The following INTS4 variants were observed in gnomAD, a reference collection of about 807,000 sequenced individuals.
INTS4 encodes the protein MSTP093.
INTS4 carries 70 observed loss-of-function variants against 119.5 expected under a neutral mutation model. That is an observed-to-expected ratio of 0.59 (90% CI 0.48 to 0.71). The LOEUF (loss-of-function observed/expected upper bound fraction) is 0.71. INTS4 is among the 30% of genes least tolerant of loss of function. INTS4 has a pLI of 0.00. For missense variants in INTS4, 867 were observed against 1,173.2 expected (o/e 0.74, Z 3.81); for synonymous variants, 316 against 419.6 (o/e 0.75, Z 3.02).
chr11:77,991,954 A>T (rs1856706560), intron 1 of INTS4, among the ~76,000 whole-genome samples: 6 of 151,902 alleles, frequency 3.9e-5, no homozygotes, highest in Admixed American at 2.0e-4. Context: ...ACTCCCAACT[A>T]GCTGGAATTA....
intron 15 of INTS4, chr11:77,911,193 A>C: frequency 8.7e-7 from 1 of 1,149,104 alleles, no homozygotes; most frequent in Middle Eastern, 2.6e-4. Context: ...AAAGTGATTG[A>C]AGAATTAATG....
At chr11:77,887,257 G>T (rs546733694) in intron 21 of INTS4, among the ~76,000 whole-genome samples, 2 of 152,152 alleles carry the variant, frequency 1.3e-5, no homozygotes, top group African/African-American at 4.8e-5. Flanking sequence ...GGGATGCAAG[G>T]CTGGTTCAAC....
chr11:77,979,376 G>A (rs577197762), intron 3 of INTS4, among the ~76,000 whole-genome samples: 79 of 152,108 alleles, frequency 5.2e-4, no homozygotes, highest in Admixed American at 4.6e-4. Flanking sequence ...TTAGGAGGCC[G>A]AGGTAGGAGG....
Position 77,913,453 on chromosome 11 carries a change from A to G in INTS4, c.1922+5368T>C, listed in dbSNP as rs568326691. 1.3e-3 allele frequency among the ~76,000 whole-genome samples: 194 copies of G among 151,920 alleles called. 1 individual carries two copies. Among genetic ancestry groups the G allele is most frequent in the African/African-American group, 4.5e-3 (187 of 41,414 alleles). On this transcript the variant is annotated intron_variant, in intron 15 of 22. Coordinates refer to ENST00000534064, the MANE Select transcript of INTS4 (RefSeq NM_033547.4). Reference sequence around the variant, plus strand: ...CAGCCTCCCGAGTAGCTGGGACTACAGGCACCCGCCACCACGCCTGGCTAA... The same window carrying G: ...CAGCCTCCCGAGTAGCTGGGACTACGGGCACCCGCCACCACGCCTGGCTAA...
chr11:77,878,136 G>C (rs962606458), downstream of INTS4, among the ~76,000 whole-genome samples: 9 of 152,122 alleles, frequency 5.9e-5, no homozygotes, highest in African/African-American at 2.2e-4. Flanking sequence ...GCCAAGGTGG[G>C]CAGATCACGA....
At chr11:77,976,843 A>G (rs1053911376) in intron 4 of INTS4, among the ~76,000 whole-genome samples, 1 of 151,880 alleles carries the variant, frequency 6.6e-6, no homozygotes, top group Non-Finnish European at 1.5e-5. Flanking sequence ...ACCAAACACC[A>G]CATGTTCTCA....
rs200717599 is a variant in INTS4 at position 77,879,135 on chromosome 11, A to T, written c.2714-8T>A. On this transcript the variant is annotated splice_polypyrimidine_tract_variant and splice_region_variant and intron_variant, in intron 22 of 22. Transcript: ENST00000534064. ...CTTCCACCTGGCATGCCTCTGAAAA[A>T]AAGATAAAAGAAATCCTCTATAACT... 3.7e-6 allele frequency: 6 copies of T among 1,613,738 alleles called. No homozygotes were observed. The Admixed American group carries it at 5.0e-5, about 13-fold the overall frequency.
intron 2 of INTS4, among the ~76,000 whole-genome samples, chr11:77,982,385 G>T (rs369928615): frequency 2.6e-5 from 4 of 151,952 alleles, no homozygotes; most frequent in Non-Finnish European, 5.9e-5. Flanking sequence ...CAATCCTCCT[G>T]CCTTGGCTTC....
At chr11:77,932,084 C>A (rs1245727055) in intron 10 of INTS4, among the ~76,000 whole-genome samples, 1 of 152,174 alleles carries the variant, frequency 6.6e-6, no homozygotes, top group Non-Finnish European at 1.5e-5. Flanking sequence ...CCAAAACTGA[C>A]AAATGGGATC....
intron 5 of INTS4, 127 bp downstream of exon 5, chr11:77,960,826 G>T: frequency 1.2e-6 from 1 of 833,140 alleles, no homozygotes; most frequent in Non-Finnish European, 1.8e-6. Flanking sequence ...GTTCTGCGAG[G>T]CCACCACCAA....
chr11:77,884,851 C>T (rs749886387), intron 21 of INTS4: 17 of 365,542 alleles, frequency 4.7e-5, no homozygotes, highest in South Asian at 2.1e-4. Context: ...AACTCCTGGG[C>T]GCAAGTGATC....
chr11:77,914,480 C>T (rs1953161343), intron 15 of INTS4, among the ~76,000 whole-genome samples: 1 of 152,210 alleles, frequency 6.6e-6, no homozygotes, highest in African/African-American at 2.4e-5. Flanking sequence ...CAAAACTAAA[C>T]ACTTTGTTGA....
chr11:77,941,607 G>A (rs182981709), intron 8 of INTS4, among the ~76,000 whole-genome samples: 7 of 152,186 alleles, frequency 4.6e-5, no homozygotes, highest in African/African-American at 1.4e-4. Flanking sequence ...GGGATTACAG[G>A]TGCCCGCCAC....
intron 10 of INTS4, among the ~76,000 whole-genome samples, chr11:77,935,197 A>C (rs1383761890): frequency 6.6e-6 from 1 of 152,238 alleles, no homozygotes; most frequent in African/African-American, 2.4e-5. Flanking sequence ...GATGAGACAG[A>C]GACAAAATAT....
chr11:77,900,976 G>A (rs1430584580), intron 18 of INTS4, among the ~76,000 whole-genome samples: 1 of 152,162 alleles, frequency 6.6e-6, no homozygotes, highest in African/African-American at 2.4e-5. Context: ...CAAACAACTA[G>A]TAAGTAGAAA....
At chr11:77,894,560 G>A (rs1952429987) in intron 18 of INTS4, among the ~76,000 whole-genome samples, 1 of 152,210 alleles carries the variant, frequency 6.6e-6, no homozygotes, top group Admixed American at 6.5e-5. Flanking sequence ...TGCCCATTAA[G>A]CTCAAAGAAT....
chr11:77,976,357 C>G (rs1212315948), intron 4 of INTS4, among the ~76,000 whole-genome samples: 6 of 152,004 alleles, frequency 3.9e-5, no homozygotes, highest in Non-Finnish European at 8.8e-5. Flanking sequence ...AGACCTTCGT[C>G]TTTTTTTCAA....
chr11:77,982,573 T>A (rs547775945), intron 2 of INTS4, among the ~76,000 whole-genome samples: 13 of 152,214 alleles, frequency 8.5e-5, no homozygotes, highest in Non-Finnish European at 1.8e-4. Flanking sequence ...TGTTTTAGCT[T>A]AGAGAGAGGG....
At chr11:77,969,798 G>T (rs566189615) in intron 4 of INTS4, among the ~76,000 whole-genome samples, 2 of 148,978 alleles carry the variant, frequency 1.3e-5, no homozygotes, top group South Asian at 4.3e-4. Context: ...GTACCCTTTA[G>T]CTATCAACCT....
Sources: allele counts gnomAD v4.1 joint callset (sites outside exome capture counted in the v4.1 genomes callset), GRCh38; gene constraint gnomAD v4.1.1; transcripts MANE v1.5; gene names NCBI Gene and HGNC (gene_info 2026-07-23, HGNC 2026-07-21).